BTK: variants seen among roughly 807,000 people sequenced by gnomAD.
The protein encoded by BTK is Bruton tyrosine kinase.
BTK carries 5 observed loss-of-function variants against 57.4 expected under a neutral mutation model. The ratio of observed to expected loss-of-function variants is 0.09; its 90% CI spans 0.05 to 0.18. The LOEUF (loss-of-function observed/expected upper bound fraction) is 0.18. Ranked by LOEUF, BTK falls within the 10% of genes least tolerant of loss-of-function variation. The pLI is 1.00. For synonymous variants in BTK, 154 were observed against 174.3 expected (o/e 0.88, Z 0.92); for missense variants, 194 against 501.2 (o/e 0.39, Z 5.85).
intron 3 of BTK, 172 bp downstream of exon 3, chrX:101,374,364 A>G: frequency 2.0e-6 from 1 of 489,595 alleles, no homozygotes; most frequent in Non-Finnish European, 3.6e-6. Context: ...CTGAATATGA[A>G]GGAAAGAAGC....
At chrX:101,356,759 G>A (rs782699440) in intron 14 of BTK, 25 bp downstream of exon 14, 9 of 1,209,169 alleles carry the variant, frequency 7.4e-6, no homozygotes, top group Non-Finnish European at 1.0e-5. Context: ...AATAGATTGA[G>A]AGTTGAGTTT....
At chrX:101,353,070 TAA>T (rs376521920) in intron 18 of BTK, 122 bp downstream of exon 18, 8,151 of 553,234 alleles carry the variant, frequency 0.015, no homozygotes, top group East Asian at 0.026. Flanking sequence ...TGTCTCAAAT[TAA>T]AAAAAAAAAA....
intron 6 of BTK, 118 bp downstream of exon 6, chrX:101,362,443 C>G: frequency 1.8e-6 from 2 of 1,108,821 alleles, no homozygotes; most frequent in South Asian, 1.8e-5. Context: ...CCCCCAGGAC[C>G]CTTTGTTTAG....
rs1927046244 is a variant in BTK, at chrX:101,371,920, A to G, written c.241-219T>C. ...GACTCAGGTATTTCAAATCACTGGG[A>G]AAATGGAGGTTTCTAAAAAATTGTT... On this transcript the variant is annotated intron_variant, in intron 3 of 18. Coordinates refer to ENST00000308731, the MANE Select transcript of BTK (RefSeq NM_000061.3). Among the ~76,000 whole-genome samples, 2 of 111,947 alleles carry G rather than the reference A, an allele frequency of 1.8e-5. 1 individual carries two copies. Among genetic ancestry groups the G allele is most frequent in the South Asian group, 7.3e-4 (2 of 2,735 alleles).
At chrX:101,354,507 T>C (rs1926399977) in intron 16 of BTK, 123 bp downstream of exon 16, 11 of 721,311 alleles carry the variant, frequency 1.5e-5, no homozygotes, top group Admixed American at 2.5e-5. Context: ...AATAGAAAGA[T>C]CGGCAGAAAA....
chrX:101,371,475 C>T (rs1405240916), intron 4 of BTK, among the ~76,000 whole-genome samples, 158 bp downstream of exon 4: 1 of 111,823 alleles, frequency 8.9e-6, no homozygotes, highest in Non-Finnish European at 1.9e-5. Context: ...AGCAAACATT[C>T]TTAGCCCATG....
chrX:101,361,070 G>T (rs1384502441), intron 7 of BTK, among the ~76,000 whole-genome samples: 1 of 110,477 alleles, frequency 9.1e-6, no homozygotes, highest in African/African-American at 3.3e-5. Context: ...GCAAAAATCA[G>T]CTGGGCATGG....
chrX:101,367,246 GAA>G (rs10632421), intron 5 of BTK, among the ~76,000 whole-genome samples: 1 of 91,015 alleles, frequency 1.1e-5, no homozygotes, highest in Non-Finnish European at 2.2e-5. Flanking sequence ...TCCATATCAA[GAA>G]AAAAAAAAAA....
chrX:101,355,915 G>A (rs1343647946), intron 15 of BTK, 137 bp downstream of exon 15: 17 of 665,671 alleles, frequency 2.6e-5, no homozygotes, highest in Non-Finnish European at 3.9e-5. Flanking sequence ...GCAGAGGCAC[G>A]CCTAACTTAT....
intron 1 of BTK, among the ~76,000 whole-genome samples, chrX:101,375,733 T>C (rs1173782104): frequency 1.8e-5 from 2 of 112,195 alleles, no homozygotes; most frequent in Non-Finnish European, 3.8e-5. Context: ...GTGCCAGAAC[T>C]CCACTGAGGC....
Position 101,353,809 on chromosome X carries a change from A to G in BTK, c.1750+61T>C, listed in dbSNP as rs546617786. ...TCTCTGTGGAGGTTGCAAAGTGTGA[A>G]TTTTCCCATTGCATTTCTTATCCTT... On this transcript the variant is annotated intron_variant, in intron 17 of 18. Coordinates refer to ENST00000308731, the MANE Select transcript of BTK (RefSeq NM_000061.3). 1.0e-5 allele frequency: 10 copies of G among 966,147 alleles called. No individual in the cohort carries two copies. In the African/African-American group the frequency reaches 1.1e-4, roughly 11 times the overall value. 79.6% of individuals were successfully genotyped at this position (966,147 alleles called of 1,213,427 possible). A position where few individuals can be genotyped will look rare whatever the true frequency, so the allele number is the denominator to read the frequency against.
chrX:101,377,999 G>A (rs1159432548), intron 1 of BTK: 2 of 105,825 alleles, frequency 1.9e-5, no homozygotes, highest in African/African-American at 7.3e-5. Flanking sequence ...GAGTCCTCCA[G>A]AAGGTTGGTG....
chrX:101,384,787 T>C, intron 1 of BTK, among the ~76,000 whole-genome samples: 1 of 111,587 alleles, frequency 9.0e-6, no homozygotes, highest in East Asian at 2.8e-4. Flanking sequence ...TATTTGCATT[T>C]TGTGGCTTAT....
intron 3 of BTK, among the ~76,000 whole-genome samples, chrX:101,372,740 C>T (rs782061252): frequency 1.8e-5 from 2 of 108,231 alleles, no homozygotes; most frequent in Admixed American, 9.8e-5. Context: ...CCACCACGCC[C>T]CACCTGAAAT....
At chrX:101,370,799 A>C (rs1453716878) in intron 4 of BTK, among the ~76,000 whole-genome samples, 1 of 112,449 alleles carries the variant, frequency 8.9e-6, no homozygotes, top group African/African-American at 3.2e-5. Context: ...TCAAATATAA[A>C]TTAATTTAAA....
chrX:101,373,158 ATAGCTTGTAGG>A (rs1165454317), intron 3 of BTK, among the ~76,000 whole-genome samples: 1 of 111,217 alleles, frequency 9.0e-6, no homozygotes, highest in Non-Finnish European at 1.9e-5. Context: ...ACTCTCATAC[ATAGCTTGTAGG>A]TGTGTATGAA....
rs142074362 is a variant in BTK at position 101,374,274 on chromosome X, A to T, written c.240+262T>A. ...GAGAACTGAGGGAATAAAATCAATG[A>T]TCTCTGACCAGTTTGAAAACTAGAT... On this transcript the variant is annotated intron_variant, in intron 3 of 18. Transcript: ENST00000308731. The T allele has an allele frequency of 3.1e-3, 1,049 of 337,694 alleles. 9 individuals carry two copies. The highest frequency in any genetic ancestry group is 0.025 in the African/African-American group (931 of 37,887). The allele number at this position is 337,694 out of a possible 1,213,427, so 27.8% of individuals were successfully genotyped here. A position where few individuals can be genotyped will look rare whatever the true frequency, so the allele number is the denominator to read the frequency against.
intron 3 of BTK, among the ~76,000 whole-genome samples, chrX:101,373,780 G>A (rs1927116524): frequency 8.9e-6 from 1 of 111,743 alleles, no homozygotes; most frequent in East Asian, 2.8e-4. Context: ...GGTGGCTCAC[G>A]CCTGTAATCT....
intron 15 of BTK, among the ~76,000 whole-genome samples, chrX:101,355,340 T>G (rs1926435121): frequency 8.9e-6 from 1 of 112,035 alleles, no homozygotes; most frequent in African/African-American, 3.2e-5. Context: ...AAGTAAGTTT[T>G]TTTGCTTTCT....
Sources: gnomAD v4.1 joint callset for allele counts (sites outside exome capture counted in the v4.1 genomes callset) on GRCh38, gnomAD v4.1.1 for gene constraint, MANE v1.5 for transcripts, NCBI Gene and HGNC (gene_info 2026-07-23, HGNC 2026-07-21) for gene names.